Variants in KIF20B observed in about 807,000 individuals in gnomAD.
The protein encoded by KIF20B is kinesin family member 20B, also known as kinesin-like protein KIF20B.
Under a neutral mutation model 232.5 loss-of-function variants are expected in KIF20B, and 188 were observed. The ratio of observed to expected loss-of-function variants is 0.81; its 90% CI spans 0.72 to 0.91. The LOEUF is 0.91. KIF20B is among the 40% of genes least tolerant of loss of function. KIF20B has a pLI of 0.00. For synonymous variants in KIF20B, 712 were observed against 683.0 expected (o/e 1.04, Z -0.66); for missense variants, 2,154 against 2,055.9 (o/e 1.05, Z -0.92).
intron 1 of KIF20B, among the ~76,000 whole-genome samples, chr10:89,704,319 C>A (rs1437121390): frequency 2.0e-5 from 3 of 152,082 alleles, no homozygotes; most frequent in Non-Finnish European, 4.4e-5. Flanking sequence ...TATTGTACAT[C>A]TAGTAGATTC....
intron 21 of KIF20B, among the ~76,000 whole-genome samples, chr10:89,742,358 C>A (rs918540665): frequency 4.6e-5 from 7 of 152,046 alleles, no homozygotes; most frequent in Admixed American, 6.6e-5. Flanking sequence ...GAAACATATC[C>A]CCTGTGGATA....
intron 6 of KIF20B, 138 bp from the exon 7 acceptor site, chr10:89,713,909 A>G (rs1842884501): frequency 2.7e-6 from 1 of 376,590 alleles, no homozygotes; most frequent in South Asian, 7.2e-5. Flanking sequence ...TAACTAGGAA[A>G]AATTAAAGAA....
chr10:89,721,681 A>C (rs1843061180), intron 13 of KIF20B, among the ~76,000 whole-genome samples: 1 of 151,652 alleles, frequency 6.6e-6, no homozygotes, highest in African/African-American at 2.4e-5. Context: ...AAAACAAAGA[A>C]ACAAACCAAA....
At chr10:89,720,755 G>C (rs2133100774) in intron 13 of KIF20B, among the ~76,000 whole-genome samples, 1 of 152,214 alleles carries the variant, frequency 6.6e-6, no homozygotes, top group Non-Finnish European at 1.5e-5. Flanking sequence ...GCCCAGGCTA[G>C]AGTGCAATGG....
intron 16 of KIF20B, among the ~76,000 whole-genome samples, chr10:89,727,449 T>C (rs1409314750): frequency 6.6e-6 from 1 of 152,214 alleles, no homozygotes; most frequent in Non-Finnish European, 1.5e-5. Flanking sequence ...GAATTGTTTG[T>C]AATATCTGCA....
chr10:89,754,163 A>C (rs552573800), intron 25 of KIF20B, among the ~76,000 whole-genome samples: 2 of 151,402 alleles, frequency 1.3e-5, no homozygotes, highest in South Asian at 2.1e-4. Context: ...CCATCCAGTT[A>C]GAAATGACCA....
At chr10:89,739,554 A>C (rs1481533404) in intron 21 of KIF20B, among the ~76,000 whole-genome samples, 1 of 78,886 alleles carries the variant, frequency 1.3e-5, no homozygotes, top group Non-Finnish European at 2.4e-5. Context: ...CACAGCATCA[A>C]ATGTTACCAA....
chr10:89,702,982 T>G (rs1429768460), intron 1 of KIF20B, among the ~76,000 whole-genome samples: 1 of 152,190 alleles, frequency 6.6e-6, no homozygotes, highest in East Asian at 1.9e-4. Context: ...CTTTTAGAAA[T>G]GCTAGGAAGT....
chr10:89,750,761 A>G (rs944763228), intron 23 of KIF20B, among the ~76,000 whole-genome samples: 1 of 152,158 alleles, frequency 6.6e-6, no homozygotes, highest in Non-Finnish European at 1.5e-5. Flanking sequence ...AAACAATTTT[A>G]GGAAGGCTGT....
intron 17 of KIF20B, 77 bp downstream of exon 17, chr10:89,727,973 T>G: frequency 7.7e-7 from 1 of 1,291,438 alleles, no homozygotes; most frequent in Non-Finnish European, 1.0e-6. Flanking sequence ...TAGATTTGTT[T>G]ATTTTAAAAA....
intron 18 of KIF20B, among the ~76,000 whole-genome samples, chr10:89,732,165 TGC>T (rs1383649361): frequency 1.3e-5 from 2 of 151,606 alleles, no homozygotes; most frequent in Non-Finnish European, 2.9e-5. Flanking sequence ...ATCACTCTGT[TGC>T]CCAGGCTGAA....
Position 89,728,988 on chromosome 10 carries a change from C to T in KIF20B, c.2272-140C>T, listed in dbSNP as rs1459242252. 1.4e-5 allele frequency: 9 copies of T among 623,998 alleles called. No homozygotes were observed. The Admixed American group carries it at 2.2e-4, about 15-fold the overall frequency. The allele number at this position is 623,998 out of a possible 1,614,324, so 38.7% of individuals were successfully genotyped here. A position where few individuals can be genotyped will look rare whatever the true frequency, so the allele number is the denominator to read the frequency against. ...AAGGCAAAAATAAGATCATGCTGTG[C>T]ATAGTGTGTTGCCACTGATTAGCTT... On this transcript the variant is annotated intron_variant, in intron 17 of 32. Transcript: ENST00000371728.
intron 9 of KIF20B, among the ~76,000 whole-genome samples, chr10:89,717,005 GCCCTGTT>G (rs1317438225): frequency 8.5e-5 from 13 of 152,296 alleles, no homozygotes; most frequent in Admixed American, 6.5e-4. Flanking sequence ...TAGAGAAGGA[GCCCTGTT>G]CCCGTAGTCA....
chr10:89,728,772 A>G (rs1393866136), intron 17 of KIF20B, among the ~76,000 whole-genome samples: 1 of 151,560 alleles, frequency 6.6e-6, no homozygotes, highest in Non-Finnish European at 1.5e-5. Context: ...TGGCCTCCCA[A>G]AGTGCTGGGA....
chr10:89,724,110 T>C lies in KIF20B; in HGVS notation c.1862+7T>C. The C allele has an allele frequency of 2.0e-6, 3 of 1,474,120 alleles. No individual in the cohort carries two copies. Among genetic ancestry groups the C allele is most frequent in the South Asian group, 3.0e-5 (2 of 65,752 alleles). The allele number at this position is 1,474,120 out of a possible 1,614,324, so 91.3% of individuals were successfully genotyped here. ...AACGGGAAGCTGACTTTAAGTAAGTTATTTATTTCATGTCCAGGTAAAAAT... is the reference window on the plus strand; with the variant it reads ...AACGGGAAGCTGACTTTAAGTAAGTCATTTATTTCATGTCCAGGTAAAAAT... On this transcript the variant is annotated splice_region_variant and intron_variant, in intron 14 of 32. Transcript: ENST00000371728.
chr10:89,749,657 T>G (rs1397468106), intron 23 of KIF20B, among the ~76,000 whole-genome samples: 1 of 152,178 alleles, frequency 6.6e-6, no homozygotes, highest in Non-Finnish European at 1.5e-5. Flanking sequence ...TTAAGTCAGT[T>G]CATACAATAT....
intron 29 of KIF20B, among the ~76,000 whole-genome samples, chr10:89,766,759 CT>C (rs1842369489): frequency 6.6e-6 from 1 of 151,988 alleles, no homozygotes; most frequent in Admixed American, 6.6e-5. Flanking sequence ...AATAATTTTG[CT>C]GAGTGAATAT....
At chr10:89,717,300 G>T in intron 9 of KIF20B, 124 bp from the exon 10 acceptor site, 2 of 608,456 alleles carry the variant, frequency 3.3e-6, no homozygotes, top group Non-Finnish European at 5.7e-6. Flanking sequence ...CAGCTAATTG[G>T]AAAATGCAAT....
At chr10:89,710,215 GTT>G (rs10672232) in intron 5 of KIF20B, 150 bp downstream of exon 5, 3,951 of 281,724 alleles carry the variant, frequency 0.014, no homozygotes, top group Middle Eastern at 0.024. Context: ...ACGTATTGCT[GTT>G]TTTTTTTTTT....
Sources: allele counts gnomAD v4.1 joint callset (sites outside exome capture counted in the v4.1 genomes callset), GRCh38; gene constraint gnomAD v4.1.1; transcripts MANE v1.5; gene names NCBI Gene and HGNC (gene_info 2026-07-23, HGNC 2026-07-21).